PSMA8: variants seen among roughly 807,000 people sequenced by gnomAD.
The protein encoded by PSMA8 is proteasome subunit alpha-type 8.
A neutral mutation model predicts 32.4 loss-of-function variants in PSMA8; 18 were observed. The ratio of observed to expected loss-of-function variants is 0.56; its 90% CI spans 0.38 to 0.82. The LOEUF (loss-of-function observed/expected upper bound fraction) is 0.82. Ranked by LOEUF, PSMA8 falls within the 40% of genes least tolerant of loss-of-function variation. PSMA8 has a pLI of 0.00. For missense variants in PSMA8, 298 were observed against 300.7 expected, an observed-to-expected ratio of 0.99 and a Z score of 0.07; for synonymous variants, 104 against 98.1, an observed-to-expected ratio of 1.06 and a Z score of -0.36.
chr18:26,145,259 C>G (rs2144280602), intron 2 of PSMA8, among the ~76,000 whole-genome samples: 1 of 152,256 alleles, frequency 6.6e-6, no homozygotes, highest in South Asian at 2.1e-4. Context: ...GCTGGGATTA[C>G]AGGCATGCAT....
chr18:26,159,352 G>A (rs2055117282), intron 4 of PSMA8, among the ~76,000 whole-genome samples: 1 of 152,082 alleles, frequency 6.6e-6, no homozygotes, highest in Admixed American at 6.5e-5. Context: ...ACTTATGTTA[G>A]TGGCACATAT....
At chr18:26,184,447 T>C (rs1160450096) in intron 6 of PSMA8, among the ~76,000 whole-genome samples, 1 of 150,610 alleles carries the variant, frequency 6.6e-6, no homozygotes, top group Admixed American at 6.6e-5. Flanking sequence ...CCTTCCTCTA[T>C]TCCTTCTCAC....
intron 4 of PSMA8, among the ~76,000 whole-genome samples, chr18:26,173,861 T>C (rs1033776898): frequency 5.9e-5 from 9 of 152,080 alleles, no homozygotes; most frequent in African/African-American, 1.9e-4. Flanking sequence ...CGGCCTTTTG[T>C]CTACTTTTTA....
At chr18:26,165,963 C>A (rs1430451960) in intron 4 of PSMA8, among the ~76,000 whole-genome samples, 3 of 151,720 alleles carry the variant, frequency 2.0e-5, no homozygotes. Flanking sequence ...TTAGCTGTTC[C>A]TGGTGGTGTA....
intron 1 of PSMA8, among the ~76,000 whole-genome samples, chr18:26,134,341 GT>G (rs776635080): frequency 0.067 from 8,360 of 124,908 alleles, 670 homozygotes; most frequent in African/African-American, 0.22. Context: ...GTGTGTGTGG[GT>G]GTGTGTGTGT....
At chr18:26,136,722 A>G (rs2054914541) in intron 1 of PSMA8, among the ~76,000 whole-genome samples, 1 of 152,218 alleles carries the variant, frequency 6.6e-6, no homozygotes. Flanking sequence ...TATATTTAAT[A>G]ATCTCACACC....
rs556685723 is a variant in PSMA8 at position 26,173,697 on chromosome 18, C to G, written c.478-5133C>G. ...TCAGCCTCCCAAGTAGCTGGGATTA[C>G]AGGCATGTGCCACCACGCCTGGCTA... On this transcript the variant is annotated intron_variant, in intron 4 of 6. Transcript: ENST00000415576. Among the ~76,000 whole-genome samples, 21 of 152,184 alleles carry G rather than the reference C, an allele frequency of 1.4e-4. No individual in the cohort carries two copies. In the South Asian group the frequency reaches 3.3e-3, roughly 24 times the overall value.
At chr18:26,158,507 T>G (rs1257338345) in intron 4 of PSMA8, among the ~76,000 whole-genome samples, 3 of 152,200 alleles carry the variant, frequency 2.0e-5, no homozygotes, top group Non-Finnish European at 4.4e-5. Flanking sequence ...CAGTTCCTAT[T>G]TATTTATTAT....
At chr18:26,136,313 A>G (rs1208384292) in intron 1 of PSMA8, among the ~76,000 whole-genome samples, 4 of 152,130 alleles carry the variant, frequency 2.6e-5, no homozygotes, top group East Asian at 1.9e-4. Context: ...CATGAAAACG[A>G]TAAGATTTAT....
chr18:26,154,245 T>C (rs953188074), intron 3 of PSMA8, among the ~76,000 whole-genome samples: 3 of 152,220 alleles, frequency 2.0e-5, no homozygotes, highest in African/African-American at 7.2e-5. Context: ...ATAAACTAAT[T>C]ATGTATCCTA....
chr18:26,190,195 A>T (rs1026466234), intron 6 of PSMA8, among the ~76,000 whole-genome samples: 2 of 152,184 alleles, frequency 1.3e-5, no homozygotes, highest in Non-Finnish European at 1.5e-5. Context: ...AGGTACAAAA[A>T]AATAGAATTT....
At chr18:26,158,000 A>T (rs1409333749) in intron 3 of PSMA8, 122 bp from the exon 4 acceptor site, 1 of 672,914 alleles carries the variant, frequency 1.5e-6, no homozygotes, top group Non-Finnish European at 2.4e-6. Context: ...TAGGAAAAAG[A>T]TCATTAATAT....
rs71169819 is a variant in PSMA8, at chr18:26,142,037, A to ATTTT, written c.103-2505_103-2502dup. Among the ~76,000 whole-genome samples, 441 of 117,552 alleles carry ATTTT rather than the reference A, an allele frequency of 3.8e-3. 17 individuals carry two copies. Among genetic ancestry groups the ATTTT allele is most frequent in the African/African-American group, 0.015 (413 of 27,680 alleles). 77.1% of individuals were successfully genotyped at this position (117,552 alleles called of 152,430 possible). A position where few individuals can be genotyped will look rare whatever the true frequency, so the allele number is the denominator to read the frequency against. The stretch of plus-strand genomic sequence containing the variant: ...GTGTATTTTCACTTCAATAATGCTA[A>ATTTT]TTTTTTTTTTTTTTTTTTTTGAGAT... On this transcript the variant is annotated intron_variant, in intron 1 of 6. Transcript: ENST00000415576.
chr18:26,173,900 G>A (rs2055244567), intron 4 of PSMA8, among the ~76,000 whole-genome samples: 1 of 151,852 alleles, frequency 6.6e-6, no homozygotes, highest in South Asian at 2.1e-4. Context: ...GCTTAGAATT[G>A]AACCTTATAT....
chr18:26,182,585 C>A (rs1317138398), intron 6 of PSMA8, among the ~76,000 whole-genome samples: 1 of 152,206 alleles, frequency 6.6e-6, no homozygotes, highest in African/African-American at 2.4e-5. Context: ...TGGACATGTA[C>A]AAGGAAATTA....
At position 26,151,931 on chromosome 18, in the gene PSMA8, G is replaced by A; in HGVS notation, c.303G>A (p.Glu101=). The part of the protein sequence containing the change: ...VECQSHKLTV[E]DPVTVEYITR... ...GCCAGAGCCATAAGCTTACGGTTGA[G>A]GACCCAGTCACTGTAGAATACATAA... The change falls in exon 3 of 7, where the codon GAG becomes GAA. Residue 101 remains glutamate, a synonymous_variant. Transcript: ENST00000415576. The A allele has an allele frequency of 6.2e-7, 1 of 1,612,214 alleles. No homozygotes were observed. The highest frequency in any genetic ancestry group is 8.5e-7 in the Non-Finnish European group (1 of 1,179,320).
rs554862503 is a variant in PSMA8, at chr18:26,134,144, C to A, written c.102+77C>A. On this transcript the variant is annotated intron_variant, in intron 1 of 6. Transcript: ENST00000415576. ...TCGTTACCCTGCTGCCCCAGCCCAC[C>A]TTTCCATCCTAGGAGCTCAAGAGAG... 1.4e-5 allele frequency: 14 copies of A among 1,036,306 alleles called. No individual in the cohort carries two copies. The Admixed American group carries it at 2.5e-4, about 18-fold the overall frequency. 64.2% of individuals were successfully genotyped at this position (1,036,306 alleles called of 1,614,324 possible). A position where few individuals can be genotyped will look rare whatever the true frequency, so the allele number is the denominator to read the frequency against.
intron 2 of PSMA8, among the ~76,000 whole-genome samples, chr18:26,150,658 A>G (rs2055038835): frequency 6.6e-6 from 1 of 152,250 alleles, no homozygotes; most frequent in Non-Finnish European, 1.5e-5. Flanking sequence ...AATTAATAAT[A>G]ATCTTGCTAC....
intron 4 of PSMA8, among the ~76,000 whole-genome samples, chr18:26,169,412 A>G (rs1408300609): frequency 1.5e-5 from 2 of 132,100 alleles, no homozygotes. Context: ...TTCTTACTAC[A>G]TGCAACCCTT....
Sources: allele counts gnomAD v4.1 joint callset (sites outside exome capture counted in the v4.1 genomes callset), GRCh38; gene constraint gnomAD v4.1.1; transcripts MANE v1.5; gene names NCBI Gene and HGNC (gene_info 2026-07-23, HGNC 2026-07-21).